RASGEF1C: variants seen among roughly 807,000 people sequenced by gnomAD.
RASGEF1C encodes the protein ras-GEF domain-containing family member 1C.
Under a neutral mutation model 58.1 loss-of-function variants are expected in RASGEF1C, and 27 were observed. The observed-to-expected ratio is 0.46, with a 90% CI of 0.34 to 0.64. The LOEUF is 0.64. Ranked by LOEUF, RASGEF1C falls within the 30% of genes least tolerant of loss-of-function variation. The pLI is 0.01. For synonymous variants in RASGEF1C, 243 were observed against 246.3 expected (o/e 0.99, Z 0.13); for missense variants, 502 against 605.1 (o/e 0.83, Z 1.79).
In RASGEF1C at chr5:180,118,353, C is replaced by T. The variant is rs527711560; in HGVS notation, c.1083+256G>A. 2.5e-3 allele frequency among the ~76,000 whole-genome samples: 276 copies of T among 110,392 alleles called. 1 individual carries two copies. Among genetic ancestry groups the T allele is most frequent in the African/African-American group, 0.012 (269 of 22,838 alleles). 72.4% of individuals were successfully genotyped at this position (110,392 alleles called of 152,430 possible). On this transcript the variant is annotated intron_variant, in intron 10 of 13. Transcript: ENST00000361132. Reference sequence around the variant, plus strand: ...GACGAAGTGGCCTCACTCGTGTGGCCCCCCAAGAAAGGATGACCCCAGGCA... The same window carrying T: ...GACGAAGTGGCCTCACTCGTGTGGCTCCCCAAGAAAGGATGACCCCAGGCA...
chr5:180,194,873 C>T (rs1756237732), intron 1 of RASGEF1C, among the ~76,000 whole-genome samples: 1 of 152,200 alleles, frequency 6.6e-6, no homozygotes, highest in East Asian at 1.9e-4. Flanking sequence ...GCTGAGTGAC[C>T]TGCTGCAGCT....
Position 180,103,284 on chromosome 5 carries a change from A to G in RASGEF1C, c.1304-1141T>C, listed in dbSNP as rs981740406. 3.4e-3 allele frequency among the ~76,000 whole-genome samples: 520 copies of G among 152,244 alleles called. 5 individuals carry two copies. The highest frequency in any genetic ancestry group is 4.6e-3 in the Non-Finnish European group (312 of 68,014). On this transcript the variant is annotated intron_variant, in intron 12 of 13. Transcript: ENST00000361132. ...AGTAGAGATGGGGTTTCACCGTGTT[A>G]GCCAGGATGGTCTCGATCTCCTGAC...
chr5:180,103,178 C>A (rs1009526316), intron 12 of RASGEF1C, among the ~76,000 whole-genome samples: 2 of 152,134 alleles, frequency 1.3e-5, no homozygotes, highest in African/African-American at 4.8e-5. Context: ...CCCGGGTTCA[C>A]ACCATTCTCC....
chr5:180,173,145 C>A (rs770116595), intron 1 of RASGEF1C, among the ~76,000 whole-genome samples: 3 of 152,218 alleles, frequency 2.0e-5, no homozygotes, highest in African/African-American at 4.8e-5. Flanking sequence ...TTTTAGACTG[C>A]GAATTTACTG....
intron 7 of RASGEF1C, 31 bp from the exon 8 acceptor site, chr5:180,119,479 G>A: frequency 6.4e-7 from 1 of 1,553,504 alleles, no homozygotes; most frequent in Non-Finnish European, 8.9e-7. Flanking sequence ...CCTCAGTGGT[G>A]ACACGCCTCC....
At chr5:180,121,225 A>G in intron 6 of RASGEF1C, 76 bp from the exon 7 acceptor site, 2 of 1,008,698 alleles carry the variant, frequency 2.0e-6, no homozygotes, top group Non-Finnish European at 1.6e-6. Context: ...AAGTCAGTTC[A>G]TGATCCTTAC....
chr5:180,195,783 AAAAG>A (rs1002307784), intron 1 of RASGEF1C, among the ~76,000 whole-genome samples: 12 of 151,924 alleles, frequency 7.9e-5, no homozygotes, highest in African/African-American at 2.9e-4. Flanking sequence ...GAAAAAAAAA[AAAAG>A]AAAAGCACAA....
At chr5:180,173,880 T>C (rs908120549) in intron 1 of RASGEF1C, among the ~76,000 whole-genome samples, 2 of 145,312 alleles carry the variant, frequency 1.4e-5, no homozygotes, top group South Asian at 4.3e-4. Context: ...GCCACTGCAC[T>C]CCAGCCTGGG....
chr5:180,101,361 G>A lies in RASGEF1C; in HGVS notation c.*140C>T. ...CCCGTATGGCCACTGTGGGGGGGGG[G>A]GGGGCGGGCAGCAGGCCACAGGGTC... On this transcript the variant is annotated 3_prime_UTR_variant, in exon 14 of 14. Coordinates refer to ENST00000361132, the MANE Select transcript of RASGEF1C (RefSeq NM_175062.4). The A allele has an allele frequency of 2.1e-6, 2 of 949,712 alleles. No homozygotes were observed. Among genetic ancestry groups the A allele is most frequent in the Non-Finnish European group, 3.2e-6 (2 of 633,294 alleles). 58.8% of individuals were successfully genotyped at this position (949,712 alleles called of 1,614,324 possible). A position where few individuals can be genotyped will look rare whatever the true frequency, so the allele number is the denominator to read the frequency against.
At chr5:180,192,991 C>G (rs1310741174) in intron 1 of RASGEF1C, among the ~76,000 whole-genome samples, 1 of 151,916 alleles carries the variant, frequency 6.6e-6, no homozygotes, top group Non-Finnish European at 1.5e-5. Context: ...AGTGATCCAC[C>G]CACCTTGGCC....
chr5:180,111,449 T>C lies in RASGEF1C; in HGVS notation c.1303+8A>G, dbSNP rs775310170. On this transcript the variant is annotated splice_region_variant and intron_variant, in intron 12 of 13. Coordinates refer to ENST00000361132, the MANE Select transcript of RASGEF1C (RefSeq NM_175062.4). Reference sequence around the variant, plus strand: ...CCAGTAGGCAGGAGGGCTGCAGGGCTACCTTACCATCCTCACTGAAGATGG... The same window carrying C: ...CCAGTAGGCAGGAGGGCTGCAGGGCCACCTTACCATCCTCACTGAAGATGG... 1 of 1,614,176 alleles carries C rather than the reference T, an allele frequency of 6.2e-7. No homozygotes were observed. The highest frequency in any genetic ancestry group is 1.1e-5 in the South Asian group (1 of 91,092).
intron 6 of RASGEF1C, among the ~76,000 whole-genome samples, chr5:180,126,270 T>G (rs550631277): frequency 5.3e-4 from 80 of 151,872 alleles, no homozygotes; most frequent in Non-Finnish European, 8.7e-4. Context: ...AGCCGGGTGT[T>G]GTGGTGGGCG....
intron 1 of RASGEF1C, among the ~76,000 whole-genome samples, chr5:180,174,967 G>T (rs970030846): frequency 1.3e-5 from 2 of 152,134 alleles, no homozygotes; most frequent in Admixed American, 1.3e-4. Flanking sequence ...TCTGAGAGTG[G>T]GTTTAGGGTT....
intron 1 of RASGEF1C, among the ~76,000 whole-genome samples, chr5:180,199,408 C>T (rs988246899): frequency 2.0e-5 from 3 of 152,164 alleles, no homozygotes; most frequent in East Asian, 1.9e-4. Flanking sequence ...AGAAAGGACA[C>T]TAAACAACTA....
At position 180,198,456 on chromosome 5, in the gene RASGEF1C, T is replaced by C. The variant is rs1756318830; in HGVS notation, c.-7+10572A>G. Among the ~76,000 whole-genome samples the C allele has an allele frequency of 6.6e-6, 1 of 152,170 alleles. No individual in the cohort carries two copies. Among genetic ancestry groups the C allele is most frequent in the African/African-American group, 2.4e-5 (1 of 41,456 alleles). On this transcript the variant is annotated intron_variant, in intron 1 of 13. Coordinates refer to ENST00000361132, the MANE Select transcript of RASGEF1C (RefSeq NM_175062.4). The surrounding 1 kb of genome is among the most constrained non-coding windows in gnomAD (Gnocchi z 4.5). ...GTTTCTGCTGCTATAACAAAATACC[T>C]GAGGCTGGATAATTTATAAGTAGTA...
chr5:180,126,658 T>C (rs1027099900), intron 6 of RASGEF1C, among the ~76,000 whole-genome samples: 4 of 152,254 alleles, frequency 2.6e-5, no homozygotes, highest in Admixed American at 2.6e-4. Context: ...CTTTCACAGC[T>C]GCACACCATT....
At chr5:180,103,160 C>T (rs1765819436) in intron 12 of RASGEF1C, among the ~76,000 whole-genome samples, 2 of 152,190 alleles carry the variant, frequency 1.3e-5, no homozygotes, top group African/African-American at 2.4e-5. Flanking sequence ...TCACTGCAAG[C>T]TCTGCCTCCC....
chr5:180,179,217 T>C (rs1767280436), intron 1 of RASGEF1C, among the ~76,000 whole-genome samples: 1 of 151,886 alleles, frequency 6.6e-6, no homozygotes, highest in Admixed American at 6.6e-5. Context: ...GGAGGGGGAC[T>C]GCTGACATAA....
chr5:180,120,580 G>A (rs1434233699), intron 7 of RASGEF1C, among the ~76,000 whole-genome samples: 1 of 152,220 alleles, frequency 6.6e-6, no homozygotes, highest in African/African-American at 2.4e-5. Context: ...GCGGGACCGC[G>A]ACTCAGGGAC....
Sources: allele counts gnomAD v4.1 joint callset (sites outside exome capture counted in the v4.1 genomes callset), GRCh38; gene constraint gnomAD v4.1.1; non-coding constraint Gnocchi (gnomAD v3.1); transcripts MANE v1.5; gene names NCBI Gene and HGNC (gene_info 2026-07-23, HGNC 2026-07-21).